The following DLG2 variants were observed in gnomAD, a reference collection of about 807,000 sequenced individuals.
The protein encoded by DLG2 is disks large homolog 2.
Under a neutral mutation model 132.5 loss-of-function variants are expected in DLG2, and 45 were observed. The ratio of observed to expected loss-of-function variants is 0.34; its 90% CI spans 0.27 to 0.44. The LOEUF (loss-of-function observed/expected upper bound fraction) is 0.44. Ranked by LOEUF, DLG2 falls within the 20% of genes least tolerant of loss-of-function variation. The pLI, the probability that DLG2 is intolerant of heterozygous loss-of-function variation, is 1.00. For synonymous variants in DLG2, 424 were observed against 419.6 expected (o/e 1.01, Z -0.13); for missense variants, 1,045 against 1,196.9 (o/e 0.87, Z 1.87).
intron 10 of DLG2, among the ~76,000 whole-genome samples, chr11:84,066,716 G>A (rs868142712): frequency 4.6e-5 from 7 of 152,058 alleles, no homozygotes; most frequent in Middle Eastern, 3.4e-3. Flanking sequence ...AGCCGAGATC[G>A]TGCCACTGCA....
chr11:84,948,687 T>C (rs2050535472), intron 6 of DLG2, among the ~76,000 whole-genome samples: 1 of 152,226 alleles, frequency 6.6e-6, no homozygotes, highest in African/African-American at 2.4e-5. Flanking sequence ...ACAATTTCTT[T>C]TTTGGCCACC....
At chr11:84,652,857 T>C (rs1311495205) in intron 6 of DLG2, among the ~76,000 whole-genome samples, 1 of 151,510 alleles carries the variant, frequency 6.6e-6, no homozygotes, top group African/African-American at 2.4e-5. Flanking sequence ...ATCTAGGCAC[T>C]CCAAATCTAA....
At chr11:85,008,674 A>C (rs1048241834) in intron 6 of DLG2, among the ~76,000 whole-genome samples, 3 of 152,208 alleles carry the variant, frequency 2.0e-5, no homozygotes, top group African/African-American at 7.2e-5. Flanking sequence ...TAATTCATTC[A>C]ATGCATAAAT....
chr11:84,979,992 CCTG>C (rs2055505625), intron 6 of DLG2, among the ~76,000 whole-genome samples: 1 of 151,964 alleles, frequency 6.6e-6, no homozygotes, highest in African/African-American at 2.4e-5. Context: ...GAACCAGAAA[CCTG>C]CTATTAATGG....
intron 9 of DLG2, among the ~76,000 whole-genome samples, chr11:84,124,807 T>C (rs187931988): frequency 2.0e-5 from 3 of 151,784 alleles, no homozygotes; most frequent in Non-Finnish European, 4.4e-5. Flanking sequence ...TGCGTAAATG[T>C]GATAAGAAAT....
chr11:83,564,979 T>C (rs1238041724), intron 19 of DLG2, among the ~76,000 whole-genome samples: 1 of 152,226 alleles, frequency 6.6e-6, no homozygotes, highest in African/African-American at 2.4e-5. Flanking sequence ...ATAACTGTAT[T>C]ATAATCAATC....
At chr11:84,003,816 T>A (rs371430793) in intron 11 of DLG2, among the ~76,000 whole-genome samples, 3 of 152,224 alleles carry the variant, frequency 2.0e-5, no homozygotes, top group African/African-American at 7.2e-5. Context: ...TAGGAACAAC[T>A]ATGTGATAAA....
chr11:83,903,234 A>T (rs1032094391), intron 15 of DLG2, among the ~76,000 whole-genome samples: 5 of 151,874 alleles, frequency 3.3e-5, no homozygotes, highest in Non-Finnish European at 5.9e-5. Context: ...TATATAGTAA[A>T]CTCCCTAATA....
intron 19 of DLG2, among the ~76,000 whole-genome samples, chr11:83,625,902 C>G (rs545696896): frequency 9.6e-4 from 146 of 152,286 alleles, no homozygotes; most frequent in African/African-American, 3.4e-3. Context: ...CAAGCTGGTA[C>G]TGGATTTCCA....
intron 3 of DLG2, among the ~76,000 whole-genome samples, chr11:85,496,086 C>T (rs1254950819): frequency 1.3e-5 from 2 of 152,182 alleles, no homozygotes; most frequent in Non-Finnish European, 2.9e-5. Flanking sequence ...CGAGCCAAAG[C>T]AGGGCACGGT....
intron 6 of DLG2, among the ~76,000 whole-genome samples, chr11:84,937,805 A>G (rs1471359512): frequency 1.3e-5 from 2 of 152,220 alleles, no homozygotes; most frequent in Non-Finnish European, 2.9e-5. Flanking sequence ...TTAGAATACT[A>G]GAAAATCTAT....
chr11:84,605,813 A>G (rs908364353), intron 6 of DLG2, among the ~76,000 whole-genome samples: 1 of 151,980 alleles, frequency 6.6e-6, no homozygotes, highest in Non-Finnish European at 1.5e-5. Flanking sequence ...GTTCTCTTCA[A>G]ATAGGTTTGC....
chr11:84,444,928 G>A (rs1351233972), intron 7 of DLG2, among the ~76,000 whole-genome samples: 3 of 151,454 alleles, frequency 2.0e-5, no homozygotes, highest in Non-Finnish European at 2.9e-5. Context: ...TCCGCCTCCC[G>A]AATAGCTGGG....
intron 9 of DLG2, among the ~76,000 whole-genome samples, chr11:84,099,731 G>GT (rs2092250128): frequency 6.7e-6 from 1 of 148,272 alleles, no homozygotes. Context: ...CTGATATCCT[G>GT]TGGGTGTGTA....
At chr11:84,042,602 T>A (rs777940055) in intron 11 of DLG2, among the ~76,000 whole-genome samples, 1 of 151,890 alleles carries the variant, frequency 6.6e-6, no homozygotes, top group Non-Finnish European at 1.5e-5. Context: ...ATCCCAAATG[T>A]TTATCAAGTT....
intron 7 of DLG2, among the ~76,000 whole-genome samples, chr11:84,308,233 A>G (rs1361439229): frequency 1.3e-5 from 2 of 152,088 alleles, no homozygotes; most frequent in East Asian, 1.9e-4. Flanking sequence ...AGCTAGACAC[A>G]AAGGTTCTCC....
intron 7 of DLG2, among the ~76,000 whole-genome samples, chr11:84,298,244 G>T (rs1230734278): frequency 3.9e-5 from 6 of 152,090 alleles, no homozygotes; most frequent in Admixed American, 3.9e-4. Flanking sequence ...ATGAACATGG[G>T]CGTTTCCATT....
At position 85,007,999 on chromosome 11, in the gene DLG2, C is replaced by T. The variant is rs527502036; in HGVS notation, c.357+103662G>A. 5.4e-4 allele frequency among the ~76,000 whole-genome samples: 82 copies of T among 152,126 alleles called. 1 individual carries two copies. The highest frequency in any genetic ancestry group is 9.0e-4 in the Non-Finnish European group (61 of 68,004). ...GTGTACCAAGTATTACAGAACAGTCCCCAGCAGGATCTGGGGCAGAACTCC... is the reference window on the plus strand; with the variant it reads ...GTGTACCAAGTATTACAGAACAGTCTCCAGCAGGATCTGGGGCAGAACTCC... On this transcript the variant is annotated intron_variant, in intron 6 of 27. Transcript: ENST00000376104.
At position 84,857,938 on chromosome 11, in the gene DLG2, G is replaced by A. The variant is rs1010815602; in HGVS notation, c.357+253723C>T. On this transcript the variant is annotated intron_variant, in intron 6 of 27. Transcript: ENST00000376104. Reference sequence around the variant, plus strand: ...CAAGGTCTCACTGTGTGTCATGCAGGCTGGAGTGCAGTGATTCAGTCAATG... The same window carrying A: ...CAAGGTCTCACTGTGTGTCATGCAGACTGGAGTGCAGTGATTCAGTCAATG... 2.0e-5 allele frequency among the ~76,000 whole-genome samples: 3 copies of A among 151,810 alleles called. No homozygotes were observed. The East Asian group carries it at 5.8e-4, about 29-fold the overall frequency.
Sources: allele counts gnomAD v4.1 joint callset (sites outside exome capture counted in the v4.1 genomes callset), GRCh38; gene constraint gnomAD v4.1.1; transcripts MANE v1.5; gene names NCBI Gene and HGNC (gene_info 2026-07-23, HGNC 2026-07-21).